The following SCN8A variants were observed in gnomAD, a reference collection of about 807,000 sequenced individuals.
SCN8A encodes the protein sodium channel protein type 8 subunit alpha.
A neutral mutation model predicts 184.1 loss-of-function variants in SCN8A; 30 were observed. That is an observed-to-expected ratio of 0.16 (90% CI 0.12 to 0.22). SCN8A has a LOEUF of 0.22. Ranked by LOEUF, SCN8A falls within the 10% of genes least tolerant of loss-of-function variation. SCN8A has a pLI of 1.00. For synonymous variants in SCN8A, 852 were observed against 907.0 expected, an observed-to-expected ratio of 0.94 and a Z score of 1.09; for missense variants, 1,057 against 2,498.9, an observed-to-expected ratio of 0.42 and a Z score of 12.30.
At chr12:51,691,087 G>A (rs1414577385) in intron 6 of SCN8A, among the ~76,000 whole-genome samples, 1 of 152,114 alleles carries the variant, frequency 6.6e-6, no homozygotes, top group African/African-American at 2.4e-5. Context: ...TGAGGCATCT[G>A]GAATGCCACA....
At chr12:51,780,285 C>T (rs1263475446) in intron 20 of SCN8A, 5 of 452,916 alleles carry the variant, frequency 1.1e-5, no homozygotes, top group Admixed American at 4.7e-5. Context: ...AGGCTCTTGT[C>T]GTCTGTTCAG....
chr12:51,790,576 G>T, intron 25 of SCN8A, 74 bp downstream of exon 25: 1 of 980,262 alleles, frequency 1.0e-6, no homozygotes, highest in East Asian at 2.6e-5. Context: ...TACTGCAAAG[G>T]AAGGAAAAAG....
At chr12:51,604,194 T>C (rs944733163) in intron 1 of SCN8A, among the ~76,000 whole-genome samples, 1 of 152,212 alleles carries the variant, frequency 6.6e-6, no homozygotes, top group African/African-American at 2.4e-5. Flanking sequence ...TTTTACATTT[T>C]ACCTTTAGAT....
At chr12:51,663,207 TG>T in intron 2 of SCN8A, 114 bp downstream of exon 2, 1 of 1,249,112 alleles carries the variant, frequency 8.0e-7, no homozygotes, top group Non-Finnish European at 1.1e-6. Context: ...GTTAACCTTT[TG>T]TTTCAGTTCT....
At chr12:51,665,582 TA>T (rs1216830813) in intron 2 of SCN8A, among the ~76,000 whole-genome samples, 1 of 152,224 alleles carries the variant, frequency 6.6e-6, no homozygotes, top group Middle Eastern at 3.2e-3. Context: ...TGATTAAAAA[TA>T]ATATTCTTGC....
intron 2 of SCN8A, among the ~76,000 whole-genome samples, chr12:51,664,672 A>C (rs1184415921): frequency 6.6e-6 from 1 of 152,000 alleles, no homozygotes; most frequent in African/African-American, 2.4e-5. Context: ...CTCAAATGCA[A>C]ATTAATTTCT....
At chr12:51,655,203 C>T (rs1940797650) in intron 1 of SCN8A, among the ~76,000 whole-genome samples, 1 of 152,150 alleles carries the variant, frequency 6.6e-6, no homozygotes, top group African/African-American at 2.4e-5. Flanking sequence ...AGCTACTGCA[C>T]CTGGCCCTGG....
chr12:51,780,921 C>A, intron 21 of SCN8A, 150 bp downstream of exon 21: 2 of 1,038,302 alleles, frequency 1.9e-6, no homozygotes, highest in Non-Finnish European at 2.5e-6. Context: ...CCACACCTGC[C>A]CCGTGCAAAG....
At position 51,687,181 on chromosome 12, in the gene SCN8A, C is replaced by T. The variant is rs4761829; in HGVS notation, c.576C>T (p.Asp192=). Residue 192 remains aspartate, a synonymous_variant, in exon 5 of 27, where the codon GAC becomes GAT. Coordinates refer to ENST00000627620, the MANE Select transcript of SCN8A (RefSeq NM_001330260.2). The stretch of plus-strand genomic sequence containing the variant: ...TAGATGGCTTTACCTTTTTACGGGA[C>T]CCATGGAACTGGTTAGATTTCAGTG... ...FCIDGFTFLR[D]PWNWLDFSVI... 0.85 allele frequency: 1,375,050 copies of T among 1,612,864 alleles called. 590,502 individuals carry two copies. Among genetic ancestry groups the T allele is most frequent in the East Asian group, 0.99 (44,641 of 44,876 alleles).
intron 1 of SCN8A, among the ~76,000 whole-genome samples, chr12:51,628,482 A>T (rs893394361): frequency 6.6e-6 from 1 of 152,184 alleles, no homozygotes; most frequent in Admixed American, 6.5e-5. Flanking sequence ...TAGGGCAAGA[A>T]TTAGCAATCT....
At chr12:51,677,035 A>G (rs760019509) in intron 2 of SCN8A, among the ~76,000 whole-genome samples, 7 of 150,960 alleles carry the variant, frequency 4.6e-5, no homozygotes, top group African/African-American at 1.7e-4. Flanking sequence ...CTTTTCATAT[A>G]TATGCATCCT....
rs745847594 is a variant in SCN8A at position 51,721,741 on chromosome 12, C to T, written c.1831C>T (p.Arg611Trp). 2.3e-5 allele frequency: 37 copies of T among 1,605,820 alleles called. No homozygotes were observed. The highest frequency in any genetic ancestry group is 4.4e-5 in the South Asian group (4 of 90,332). ...CATCCCCATCCGGGCCCGCGAGCGC[C>T]GGAGCAGCTACAGCGGCTACAGCGG... ...LFIPIRARER[R>W]SSYSGYSGYS... The change falls in exon 12 of 27, where the codon CGG (arginine) becomes TGG (tryptophan). Residue 611 changes from arginine to tryptophan, a missense_variant. By Grantham distance (101) the Arg-to-Trp change is moderately radical. Transcript: ENST00000627620.
Position 51,765,874 on chromosome 12 carries a change from C to T in SCN8A, c.2748C>T (p.Arg916=). 1 of 1,614,066 alleles carries T rather than the reference C, an allele frequency of 6.2e-7. No individual in the cohort carries two copies. The highest frequency in any genetic ancestry group is 8.5e-7 in the Non-Finnish European group (1 of 1,179,992). ...CKINQDCELP[R]WHMHDFFHSF... is the part of the protein sequence containing the mutation. Reference sequence around the variant, plus strand: ...TCAACCAGGACTGTGAACTCCCTCGCTGGCATATGCATGACTTTTTCCATT... The same window carrying T: ...TCAACCAGGACTGTGAACTCCCTCGTTGGCATATGCATGACTTTTTCCATT... Residue 916 remains arginine (R), a synonymous_variant, in exon 16 of 27, where the codon CGC becomes CGT. Coordinates refer to ENST00000627620, the MANE Select transcript of SCN8A (RefSeq NM_001330260.2).
In SCN8A at chr12:51,686,361, T is replaced by G; in HGVS notation, c.396-7T>G. 6.3e-7 allele frequency: 1 copy of G among 1,592,058 alleles called. No individual in the cohort carries two copies. The highest frequency in any genetic ancestry group is 8.6e-7 in the Non-Finnish European group (1 of 1,161,376). The stretch of plus-strand genomic sequence containing the variant: ...GATTTTAATATTGCCCCTTGACTCT[T>G]CTCTACAGTATTTAGCATGATCATT... On this transcript the variant is annotated splice_region_variant and splice_polypyrimidine_tract_variant and intron_variant, in intron 3 of 26. Coordinates refer to ENST00000627620, the MANE Select transcript of SCN8A (RefSeq NM_001330260.2).
In SCN8A at chr12:51,596,182, A is replaced by G. The variant is rs76705527; in HGVS notation, c.-55+4823A>G. On this transcript the variant is annotated intron_variant, in intron 1 of 26. Transcript: ENST00000627620. ...TGGAGTTGGTTTTGTCTTCAGCACC[A>G]TTTTAGGTTTCCCCACTGTATAGTC... 3.0e-3 allele frequency among the ~76,000 whole-genome samples: 453 copies of G among 152,292 alleles called. 3 individuals carry two copies. Among genetic ancestry groups the G allele is most frequent in the South Asian group, 5.2e-3 (25 of 4,830 alleles).
intron 1 of SCN8A, among the ~76,000 whole-genome samples, chr12:51,629,437 A>G (rs1374915200): frequency 6.6e-6 from 1 of 152,184 alleles, no homozygotes; most frequent in African/African-American, 2.4e-5. Context: ...GTGACACTCA[A>G]AAATGTCTCC....
chr12:51,592,720 G>A (rs1033126519), intron 1 of SCN8A, among the ~76,000 whole-genome samples: 3 of 152,036 alleles, frequency 2.0e-5, no homozygotes, highest in African/African-American at 7.2e-5. Flanking sequence ...AGTGTGGGTG[G>A]GGGCCATGGG....
Position 51,787,113 on chromosome 12 carries a change from C to G in SCN8A, c.4227+287C>G, listed in dbSNP as rs1047044972. On this transcript the variant is annotated intron_variant, in intron 22 of 26. Coordinates refer to ENST00000627620, the MANE Select transcript of SCN8A (RefSeq NM_001330260.2). ...CAGTGTAATAAAGTGGCAGAGAGAT[C>G]ATCTTCCCTTCCCGGTCAGAGAGTG... 2.0e-5 allele frequency among the ~76,000 whole-genome samples: 3 copies of G among 152,284 alleles called. No homozygotes were observed. In the East Asian group the frequency reaches 5.8e-4, roughly 29 times the overall value.
intron 12 of SCN8A, among the ~76,000 whole-genome samples, chr12:51,735,031 A>G (rs1182444398): frequency 6.6e-6 from 1 of 152,144 alleles, no homozygotes; most frequent in Non-Finnish European, 1.5e-5. Context: ...GTCTTTGTAG[A>G]TGGTTTTTAT....
Sources: gnomAD v4.1 joint callset for allele counts (sites outside exome capture counted in the v4.1 genomes callset) on GRCh38, gnomAD v4.1.1 for gene constraint, MANE v1.5 for transcripts, NCBI Gene and HGNC (gene_info 2026-07-23, HGNC 2026-07-21) for gene names.